The following DST variants were observed in gnomAD, a reference collection of about 807,000 sequenced individuals.
The protein encoded by DST is dystonin.
A neutral mutation model predicts 875.2 loss-of-function variants in DST; 253 were observed. That is an observed-to-expected ratio of 0.29 (90% CI 0.26 to 0.32). The LOEUF (loss-of-function observed/expected upper bound fraction) is 0.32. Ranked by LOEUF, DST falls within the 10% of genes least tolerant of loss-of-function variation. DST has a pLI of 1.00. For missense variants in DST, 8,287 were observed against 9,111.6 expected (o/e 0.91, Z 3.68); for synonymous variants, 3,124 against 3,197.1 (o/e 0.98, Z 0.77).
intron 2 of DST, among the ~76,000 whole-genome samples, chr6:56,911,263 A>G (rs1480105234): frequency 3.9e-5 from 6 of 152,212 alleles, no homozygotes; most frequent in African/African-American, 1.4e-4. Context: ...ATGTACATGG[A>G]TCACCTGGAA....
intron 4 of DST, among the ~76,000 whole-genome samples, chr6:56,826,103 G>T (rs1364318605): frequency 6.6e-6 from 1 of 152,230 alleles, no homozygotes; most frequent in East Asian, 1.9e-4. Context: ...ATGCAAGGCA[G>T]TGTCTTCTCA....
intron 2 of DST, among the ~76,000 whole-genome samples, chr6:56,926,883 C>T (rs1050173439): frequency 7.2e-5 from 11 of 152,104 alleles, no homozygotes; most frequent in African/African-American, 2.7e-4. Context: ...ACATACAGCA[C>T]CAGGACCCAA....
At chr6:56,489,338 C>T (rs2095663634) in intron 86 of DST, among the ~76,000 whole-genome samples, 152 bp downstream of exon 86, 1 of 152,134 alleles carries the variant, frequency 6.6e-6, no homozygotes, top group African/African-American at 2.4e-5. Flanking sequence ...ACATAAGCAA[C>T]ATGAAGAGCA....
At chr6:56,821,873 A>G (rs1562013801) in intron 4 of DST, among the ~76,000 whole-genome samples, 1 of 152,200 alleles carries the variant, frequency 6.6e-6, no homozygotes, top group Non-Finnish European at 1.5e-5. Context: ...AACTCAGACT[A>G]GACTTTTTTC....
intron 49 of DST, among the ~76,000 whole-genome samples, chr6:56,588,437 T>A (rs1272879405): frequency 6.6e-6 from 1 of 152,328 alleles, no homozygotes; most frequent in African/African-American, 2.4e-5. Context: ...CTCCTAGCTT[T>A]AGTAAGTACT....
intron 4 of DST, among the ~76,000 whole-genome samples, chr6:56,772,199 A>C (rs1006874396): frequency 6.6e-6 from 1 of 152,226 alleles, no homozygotes; most frequent in Admixed American, 6.5e-5. Flanking sequence ...GGTTATGTAA[A>C]TGCTTAATCA....
chr6:56,626,523 C>T (rs2098736522), intron 34 of DST, among the ~76,000 whole-genome samples: 1 of 152,146 alleles, frequency 6.6e-6, no homozygotes, highest in Admixed American at 6.5e-5. Context: ...AAAGCTGTAA[C>T]ATGTAGGTTT....
In DST at chr6:56,632,053, A is replaced by G; in HGVS notation, c.3806-13T>C. ...TCCTCTTGCTCCTCTGTGAAAATAAATATGTTTAGAAAATACCTTGTTTTC... is the reference window on the plus strand; with the variant it reads ...TCCTCTTGCTCCTCTGTGAAAATAAGTATGTTTAGAAAATACCTTGTTTTC... On this transcript the variant is annotated splice_polypyrimidine_tract_variant and intron_variant, in intron 28 of 103. Transcript: ENST00000680361. 6.2e-7 allele frequency: 1 copy of G among 1,602,986 alleles called. No homozygotes were observed. The highest frequency in any genetic ancestry group is 8.5e-7 in the Non-Finnish European group (1 of 1,170,414).
At chr6:56,627,589 C>A (rs989977206) in intron 33 of DST, among the ~76,000 whole-genome samples, 11 of 152,146 alleles carry the variant, frequency 7.2e-5, no homozygotes, top group African/African-American at 2.7e-4. Context: ...AGATGATTGG[C>A]CCCTAAGATA....
intron 3 of DST, among the ~76,000 whole-genome samples, chr6:56,893,756 C>T (rs371219996): frequency 4.0e-5 from 2 of 50,358 alleles, no homozygotes; most frequent in South Asian, 5.4e-4. Context: ...CCTTCCGCAG[C>T]GTTTGTGTCC....
chr6:56,680,533 C>A (rs755985400), intron 9 of DST, among the ~76,000 whole-genome samples: 3 of 152,192 alleles, frequency 2.0e-5, no homozygotes, highest in Non-Finnish European at 4.4e-5. Context: ...TTTTCCCATC[C>A]TTCCATTTTC....
At chr6:56,661,830 C>T (rs879191770) in intron 10 of DST, among the ~76,000 whole-genome samples, 1 of 152,126 alleles carries the variant, frequency 6.6e-6, no homozygotes, top group South Asian at 2.1e-4. Flanking sequence ...TCGGGTGATC[C>T]GCCCGCCTTG....
chr6:56,575,933 G>T (rs574571804), intron 50 of DST, among the ~76,000 whole-genome samples: 13 of 152,172 alleles, frequency 8.5e-5, no homozygotes, highest in Admixed American at 7.2e-4. Context: ...TGGCCTCCTG[G>T]ATAGTCTTAG....
intron 2 of DST, among the ~76,000 whole-genome samples, chr6:56,918,220 G>A (rs1462603387): frequency 4.0e-5 from 6 of 150,860 alleles, no homozygotes; most frequent in Admixed American, 6.6e-5. Flanking sequence ...TCCACCTCCC[G>A]GGTTCAAGTG....
chr6:56,634,529 C>A lies in DST; in HGVS notation c.3427G>T (p.Ala1143Ser). The A allele has an allele frequency of 6.2e-7, 1 of 1,614,178 alleles. No individual in the cohort carries two copies. The highest frequency in any genetic ancestry group is 8.5e-7 in the Non-Finnish European group (1 of 1,180,022). Residue 1143 changes from alanine to serine, a missense_variant, in exon 26 of 104, where the codon GCT becomes TCT. This residue lies in a region of DST where 1,160 missense variants were observed against 1,424.3 expected (regional missense o/e 0.81). Coordinates refer to ENST00000680361, the MANE Select transcript of DST (RefSeq NM_001374736.1). ...WKVISPTGNE[A>S]MVPSVCFTVP... The stretch of plus-strand genomic sequence containing the variant: ...GTGAAGCACACAGATGGGACCATAG[C>A]CTCATTCCCAGTAGGACTAATGACC...
chr6:56,722,193 G>C (rs2099419495), intron 5 of DST, among the ~76,000 whole-genome samples: 1 of 151,898 alleles, frequency 6.6e-6, no homozygotes, highest in South Asian at 2.1e-4. Context: ...TCCTTGGTTA[G>C]AATGCAAATA....
rs772992202 is a variant in DST, at chr6:56,597,936, A to G, written c.11999T>C (p.Val4000Ala). ...CCCTGCCCTTTCTGAGTCTTTGTCA[A>G]CATTTGACAACCAGTCCAAAAGGTT... is the stretch of plus-strand genomic sequence containing the variant. ...IENLLDWLSN[V>A]DKDSERAGTK... The change falls in exon 47 of 104, where the codon GTT (valine) becomes GCT (alanine). Residue 4000 changes from valine to alanine, a missense_variant. By Grantham distance (64) the Val-to-Ala change is moderately conservative. Transcript: ENST00000680361. 1.4e-5 allele frequency: 23 copies of G among 1,613,552 alleles called. 2 individuals carry two copies. In the South Asian group the frequency reaches 2.2e-4, roughly 15 times the overall value.
chr6:56,506,825 C>A, intron 75 of DST, 36 bp from the exon 76 acceptor site: 1 of 1,580,954 alleles, frequency 6.3e-7, no homozygotes, highest in Non-Finnish European at 8.6e-7. Flanking sequence ...GAATTTTAAG[C>A]AAAACCACAT....
intron 53 of DST, among the ~76,000 whole-genome samples, chr6:56,571,888 G>A (rs1423285127): frequency 3.3e-5 from 5 of 152,162 alleles, no homozygotes; most frequent in Admixed American, 2.6e-4. Flanking sequence ...TTTTATGTAA[G>A]AAGTATTGAA....
Sources: gnomAD v4.1 joint callset for allele counts (sites outside exome capture counted in the v4.1 genomes callset) on GRCh38, gnomAD v4.1.1 for gene constraint, gnomAD v4.1.1 regional missense constraint, MANE v1.5 for transcripts, NCBI Gene and HGNC (gene_info 2026-07-23, HGNC 2026-07-21) for gene names.